The following ADAMTS14 variants were observed in gnomAD, a reference collection of about 807,000 sequenced individuals.
ADAMTS14 encodes ADAM metallopeptidase with thrombospondin type 1 motif 14, also known as A disintegrin and metalloproteinase with thrombospondin motifs 14.
A neutral mutation model predicts 128.6 loss-of-function variants in ADAMTS14; 100 were observed. The observed-to-expected ratio is 0.78, with a 90% confidence interval of 0.66 to 0.92. The LOEUF (loss-of-function observed/expected upper bound fraction) is 0.92. Among genes scored for constraint, ADAMTS14 ranks in the 40% least tolerant of loss-of-function variants. ADAMTS14 has a pLI of 0.00. For missense variants in ADAMTS14, 1,562 were observed against 1,658.6 expected (o/e 0.94, Z 1.01); for synonymous variants, 665 against 653.8 (o/e 1.02, Z -0.26).
At chr10:70,682,742 G>A (rs1839848120) in intron 2 of ADAMTS14, among the ~76,000 whole-genome samples, 1 of 152,142 alleles carries the variant, frequency 6.6e-6, no homozygotes, top group Non-Finnish European at 1.5e-5. Context: ...GCCACTCCCA[G>A]AGGGGTCTCT....
Position 70,674,916 on chromosome 10 carries a change from TA to T in ADAMTS14, c.444del (p.Leu148PhefsTer141). 6.2e-7 allele frequency: 1 copy of T among 1,613,300 alleles called. No individual in the cohort carries two copies. The highest frequency in any genetic ancestry group is 1.1e-5 in the South Asian group (1 of 91,088). On this transcript the variant is annotated frameshift_variant, in exon 2 of 22. Transcript: ENST00000373207. LOFTEE classifies it high-confidence loss of function. ...EDFRELFRQPLRQECVYTGGV... is the reference protein window; with the variant it reads ...EDFRELFRQPXRQECVYTGGV... ...TTTCGGGAGCTGTTCCGGCAGCCCT[TA>T]CGGCAGGAGTGTGTGTACACTGGAG...
intron 2 of ADAMTS14, among the ~76,000 whole-genome samples, chr10:70,678,309 A>T (rs182803688): frequency 5.9e-5 from 9 of 152,326 alleles, no homozygotes; most frequent in Non-Finnish European, 1.0e-4. Flanking sequence ...TCCTCGAGGA[A>T]CTTGGGTGCC....
At chr10:70,677,702 C>T (rs1839687587) in intron 2 of ADAMTS14, among the ~76,000 whole-genome samples, 1 of 152,156 alleles carries the variant, frequency 6.6e-6, no homozygotes, top group Admixed American at 6.5e-5. Flanking sequence ...CCCTCCAGGC[C>T]CTGGGAGTGG....
At chr10:70,678,161 G>T (rs1186171680) in intron 2 of ADAMTS14, among the ~76,000 whole-genome samples, 2 of 152,206 alleles carry the variant, frequency 1.3e-5, no homozygotes, top group Admixed American at 6.5e-5. Flanking sequence ...GTCATAGGCG[G>T]AGATACGAAG....
rs368301219 is a variant in ADAMTS14, at chr10:70,758,224, G to T, written c.3117G>T (p.Thr1039=). ...TVRADVWELG[T]PEGQWVPQSE... ...GGGCCGATGTCTGGGAACTTGGGACGCCAGAGGGGCAGTGGGTGCCACAAT... is the reference window on the plus strand; with the variant it reads ...GGGCCGATGTCTGGGAACTTGGGACTCCAGAGGGGCAGTGGGTGCCACAAT... The change falls in exon 21 of 22, where the codon ACG becomes ACT. Residue 1039 remains threonine, a synonymous_variant. Coordinates refer to ENST00000373207, the MANE Select transcript of ADAMTS14 (RefSeq NM_080722.4). 17 of 1,614,122 alleles carry T rather than the reference G, an allele frequency of 1.1e-5. No homozygotes were observed. The African/African-American group carries it at 2.3e-4, about 22-fold the overall frequency.
intron 1 of ADAMTS14, among the ~76,000 whole-genome samples, chr10:70,673,800 T>C (rs1418936434): frequency 6.6e-6 from 1 of 152,136 alleles, no homozygotes; most frequent in Non-Finnish European, 1.5e-5. Context: ...CCAGCCTGGC[T>C]GGGCTCAAGG....
At chr10:70,678,144 A>G (rs1231736659) in intron 2 of ADAMTS14, among the ~76,000 whole-genome samples, 1 of 152,246 alleles carries the variant, frequency 6.6e-6, no homozygotes. Context: ...GCAGATGAGG[A>G]AACTGAGTCA....
At chr10:70,674,430 A>G (rs1241711332) in intron 1 of ADAMTS14, 126 bp from the exon 2 acceptor site, 5 of 914,250 alleles carry the variant, frequency 5.5e-6, no homozygotes, top group Non-Finnish European at 8.3e-6. Flanking sequence ...GGGTGAACTC[A>G]GGCTAAGGGG....
intron 15 of ADAMTS14, among the ~76,000 whole-genome samples, chr10:70,746,516 T>C (rs566647992): frequency 6.6e-6 from 1 of 152,280 alleles, no homozygotes; most frequent in Admixed American, 6.5e-5. Flanking sequence ...CTGAATCTAC[T>C]TAAAAATCAG....
At chr10:70,746,565 T>C (rs1440421140) in intron 15 of ADAMTS14, among the ~76,000 whole-genome samples, 1 of 152,178 alleles carries the variant, frequency 6.6e-6, no homozygotes, top group Non-Finnish European at 1.5e-5. Context: ...CCCAACACTT[T>C]GGGAGGCCAA....
rs1475589302 is a variant in ADAMTS14 at position 70,745,286 on chromosome 10, A to C, written c.2243A>C (p.Glu748Ala). ...AGGCACATCCAGATTGAGGCACTGG[A>C]GAAGTCCCCCCACCGCATTGGTGAG... ...GARHIQIEAL[E>A]KSPHRIVVKN... The change falls in exon 15 of 22, where the codon GAG becomes GCG. Residue 748 changes from glutamate to alanine, a missense_variant. Transcript: ENST00000373207. 3.7e-6 allele frequency: 6 copies of C among 1,612,672 alleles called. No individual in the cohort carries two copies. Among genetic ancestry groups the C allele is most frequent in the Non-Finnish European group, 5.1e-6 (6 of 1,179,984 alleles).
chr10:70,755,837 G>A (rs1381024625), intron 19 of ADAMTS14, among the ~76,000 whole-genome samples: 3 of 152,134 alleles, frequency 2.0e-5, no homozygotes, highest in Admixed American at 1.3e-4. Flanking sequence ...CGACAAGAGC[G>A]AAACTTTGTC....
chr10:70,733,104 C>A (rs1841702781), intron 7 of ADAMTS14, among the ~76,000 whole-genome samples: 1 of 152,170 alleles, frequency 6.6e-6, no homozygotes, highest in Non-Finnish European at 1.5e-5. Flanking sequence ...CAGCTCTGCT[C>A]CTCCAGGCAG....
At chr10:70,757,419 C>T (rs1031299922) in intron 19 of ADAMTS14, among the ~76,000 whole-genome samples, 3 of 152,248 alleles carry the variant, frequency 2.0e-5, no homozygotes, top group East Asian at 1.9e-4. Flanking sequence ...GAGACCCTGT[C>T]GCCCAGCTCT....
In ADAMTS14 at chr10:70,690,571, A is replaced by G. The variant is rs896952571; in HGVS notation, c.523-11741A>G. On this transcript the variant is annotated intron_variant, in intron 2 of 21. Coordinates refer to ENST00000373207, the MANE Select transcript of ADAMTS14 (RefSeq NM_080722.4). The stretch of plus-strand genomic sequence containing the variant: ...TGGCTATGCATCAGATGCAGTGATA[A>G]ACATTTATGTGCGTGATCTCACGTG... Among the ~76,000 whole-genome samples the G allele has an allele frequency of 9.0e-5, 13 of 145,064 alleles. 1 individual carries two copies. The highest frequency in any genetic ancestry group is 2.9e-4 in the African/African-American group (12 of 40,924).
At chr10:70,691,282 C>T (rs1429286138) in intron 2 of ADAMTS14, among the ~76,000 whole-genome samples, 1 of 143,282 alleles carries the variant, frequency 7.0e-6, no homozygotes, top group Non-Finnish European at 1.6e-5. Context: ...CCCTTGAGGT[C>T]AGGGGTTCAA....
At chr10:70,675,909 G>T (rs949496472) in intron 2 of ADAMTS14, among the ~76,000 whole-genome samples, 1 of 152,186 alleles carries the variant, frequency 6.6e-6, no homozygotes, top group Non-Finnish European at 1.5e-5. Flanking sequence ...CTGCCCTTCA[G>T]CTTTGAGAGC....
intron 2 of ADAMTS14, among the ~76,000 whole-genome samples, chr10:70,682,904 T>A (rs1278933997): frequency 6.6e-6 from 1 of 152,210 alleles, no homozygotes; most frequent in Non-Finnish European, 1.5e-5. Context: ...CAGAGTGTGG[T>A]CACCTATGTG....
chr10:70,749,309 C>T (rs766271688), intron 15 of ADAMTS14, among the ~76,000 whole-genome samples: 12 of 152,172 alleles, frequency 7.9e-5, no homozygotes, highest in South Asian at 2.1e-4. Flanking sequence ...AGCAGCCCTG[C>T]GAACTGGGTA....
Sources: allele counts gnomAD v4.1 joint callset (sites outside exome capture counted in the v4.1 genomes callset), GRCh38; gene constraint gnomAD v4.1.1; transcripts MANE v1.5; gene names NCBI Gene and HGNC (gene_info 2026-07-23, HGNC 2026-07-21).